FRMD4A: variants seen among roughly 807,000 people sequenced by gnomAD.
FRMD4A encodes FERM domain-containing protein 4A.
A neutral mutation model predicts 129.1 loss-of-function variants in FRMD4A; 29 were observed. The ratio of observed to expected loss-of-function variants is 0.22; its 90% CI spans 0.17 to 0.31. The LOEUF is 0.31. Among genes scored for constraint, FRMD4A ranks in the 10% least tolerant of loss-of-function variants. The pLI, the probability that FRMD4A is intolerant of heterozygous loss-of-function variation, is 1.00. For missense variants in FRMD4A, 1,272 were observed against 1,375.8 expected, an observed-to-expected ratio of 0.92 and a Z score of 1.19; for synonymous variants, 634 against 571.6, an observed-to-expected ratio of 1.11 and a Z score of -1.56.
At chr10:13,685,361 AG>A in intron 15 of FRMD4A, 1 of 984,474 alleles carries the variant, frequency 1.0e-6, no homozygotes, top group Non-Finnish European at 1.2e-6. Flanking sequence ...TAACAGAGAG[AG>A]AGGAGAATGG....
At position 13,714,035 on chromosome 10, in the gene FRMD4A, T is replaced by TAAAATATATATTTTATATAC. The variant is rs56952909; in HGVS notation, c.760-6923_760-6922insGTATATAAAATATATATTTT. Among the ~76,000 whole-genome samples the TAAAATATATATTTTATATAC allele has an allele frequency of 9.5e-3, 441 of 46,514 alleles. 80 individuals carry two copies. The highest frequency in any genetic ancestry group is 0.037 in the Middle Eastern group (3 of 82). 30.5% of individuals were successfully genotyped at this position (46,514 alleles called of 152,430 possible). On this transcript the variant is annotated intron_variant, in intron 12 of 24. Transcript: ENST00000357447. ...TACATATATAAAATATACATATATA[T>TAAAATATATATTTTATATAC]ATATATATATATATATATATATATA...
At chr10:14,252,486 A>C (rs1844473778) in intron 2 of FRMD4A, among the ~76,000 whole-genome samples, 1 of 152,198 alleles carries the variant, frequency 6.6e-6, no homozygotes. Flanking sequence ...ATTTCTGAAG[A>C]GCATAGGCCA....
intron 3 of FRMD4A, among the ~76,000 whole-genome samples, chr10:13,835,747 G>C (rs1258617848): frequency 6.6e-6 from 1 of 152,134 alleles, no homozygotes. Context: ...ATTATGGTAA[G>C]TTGTAGAATT....
At chr10:14,032,224 A>T (rs1833280144) in intron 2 of FRMD4A, among the ~76,000 whole-genome samples, 1 of 152,230 alleles carries the variant, frequency 6.6e-6, no homozygotes, top group African/African-American at 2.4e-5. Context: ...TAAACAAAAG[A>T]TAGTAGGAAA....
intron 2 of FRMD4A, among the ~76,000 whole-genome samples, chr10:14,109,887 G>A (rs932047238): frequency 1.8e-4 from 27 of 151,282 alleles, no homozygotes; most frequent in Non-Finnish European, 2.9e-4. Context: ...CAGGAGAATC[G>A]CTTGAACCGG....
intron 2 of FRMD4A, among the ~76,000 whole-genome samples, chr10:14,118,941 T>C (rs1427951222): frequency 6.6e-6 from 1 of 152,138 alleles, no homozygotes; most frequent in Non-Finnish European, 1.5e-5. Flanking sequence ...ACCTCCTGAG[T>C]GACCTACCTT....
At chr10:14,063,925 A>AT (rs1368869332) in intron 2 of FRMD4A, among the ~76,000 whole-genome samples, 4 of 152,170 alleles carry the variant, frequency 2.6e-5, no homozygotes, top group African/African-American at 9.7e-5. Flanking sequence ...GAAAATAGAA[A>AT]TTTTACAGCT....
chr10:13,693,585 C>T, intron 15 of FRMD4A: 1 of 1,062,978 alleles, frequency 9.4e-7, no homozygotes, highest in Non-Finnish European at 1.2e-6. Context: ...CCTGACATTC[C>T]CGACAGCTTG....
chr10:14,122,448 A>G (rs192168984), intron 2 of FRMD4A, among the ~76,000 whole-genome samples: 1 of 152,230 alleles, frequency 6.6e-6, no homozygotes, highest in African/African-American at 2.4e-5. Context: ...TTATAAAGAA[A>G]AGAGGTTTAA....
intron 2 of FRMD4A, among the ~76,000 whole-genome samples, chr10:14,280,772 T>A (rs1845491832): frequency 6.6e-6 from 1 of 152,086 alleles, no homozygotes; most frequent in South Asian, 2.1e-4. Context: ...GAGTGAAAAG[T>A]GTGAAGTTTT....
chr10:13,702,315 C>T (rs185156256), intron 13 of FRMD4A, among the ~76,000 whole-genome samples: 13 of 152,294 alleles, frequency 8.5e-5, no homozygotes, highest in South Asian at 2.1e-4. Flanking sequence ...CCACCTGCCT[C>T]GGCCTCCCAA....
chr10:13,687,986 G>C (rs1320722663), intron 15 of FRMD4A, among the ~76,000 whole-genome samples: 1 of 152,164 alleles, frequency 6.6e-6, no homozygotes, highest in Non-Finnish European at 1.5e-5. Context: ...ACAGGGGACA[G>C]CTCTGCGTAT....
intron 2 of FRMD4A, among the ~76,000 whole-genome samples, chr10:13,918,677 C>T (rs1001161984): frequency 2.0e-5 from 3 of 151,850 alleles, no homozygotes; most frequent in Non-Finnish European, 4.4e-5. Flanking sequence ...TACAGGTGTG[C>T]ACCACCACAC....
intron 22 of FRMD4A, chr10:13,654,731 C>G: frequency 1.8e-6 from 1 of 569,042 alleles, no homozygotes; most frequent in Non-Finnish European, 3.1e-6. Context: ...CCCACCCATT[C>G]CATTTTCTAC....
At chr10:13,924,481 G>A (rs1031391017) in intron 2 of FRMD4A, among the ~76,000 whole-genome samples, 25 of 150,204 alleles carry the variant, frequency 1.7e-4, no homozygotes, top group Non-Finnish European at 7.4e-5. Flanking sequence ...CGTTCCCTCT[G>A]CCTGGGACTC....
chr10:14,264,945 C>A (rs1844927079), intron 2 of FRMD4A, among the ~76,000 whole-genome samples: 2 of 152,116 alleles, frequency 1.3e-5, no homozygotes, highest in Non-Finnish European at 2.9e-5. Context: ...CCATGCCTGG[C>A]TAATTTTTGT....
intron 2 of FRMD4A, among the ~76,000 whole-genome samples, chr10:14,195,804 C>T (rs1025381065): frequency 9.8e-5 from 15 of 152,304 alleles, no homozygotes; most frequent in African/African-American, 3.6e-4. Context: ...TGGCATCCTG[C>T]GTGCAAACAG....
chr10:14,242,618 A>C (rs1438089358), intron 2 of FRMD4A, among the ~76,000 whole-genome samples: 3 of 152,240 alleles, frequency 2.0e-5, no homozygotes, highest in Non-Finnish European at 4.4e-5. Context: ...CAAAATTACA[A>C]AGTAAAACAA....
At chr10:14,056,424 T>TC (rs1834534964) in intron 2 of FRMD4A, among the ~76,000 whole-genome samples, 1 of 152,040 alleles carries the variant, frequency 6.6e-6, no homozygotes, top group Non-Finnish European at 1.5e-5. Flanking sequence ...TAAAGTTTTT[T>TC]CCCCCAGTAT....
Sources: gnomAD v4.1 joint callset for allele counts (sites outside exome capture counted in the v4.1 genomes callset) on GRCh38, gnomAD v4.1.1 for gene constraint, MANE v1.5 for transcripts, NCBI Gene and HGNC (gene_info 2026-07-23, HGNC 2026-07-21) for gene names.